The following DENND1A variants were observed in gnomAD, a reference collection of about 807,000 sequenced individuals.
DENND1A encodes the protein DENN domain-containing protein 1A.
A neutral mutation model predicts 113.7 loss-of-function variants in DENND1A; 51 were observed. The observed-to-expected ratio is 0.45, with a 90% CI of 0.36 to 0.57. The LOEUF is 0.57. Among genes scored for constraint, DENND1A ranks in the 20% least tolerant of loss-of-function variants. The pLI, the probability that DENND1A is intolerant of heterozygous loss-of-function variation, is 0.00. For missense variants in DENND1A, 1,258 were observed against 1,395.9 expected (o/e 0.90, Z 1.57); for synonymous variants, 565 against 570.8 (o/e 0.99, Z 0.14).
chr9:123,389,931 C>A (rs891612555), intron 21 of DENND1A, among the ~76,000 whole-genome samples: 1 of 152,216 alleles, frequency 6.6e-6, no homozygotes, highest in Admixed American at 6.5e-5. Flanking sequence ...TTGGCTCTAC[C>A]TACCTCTGTG....
At chr9:123,917,381 C>T (rs944363205) in intron 1 of DENND1A, among the ~76,000 whole-genome samples, 2 of 151,976 alleles carry the variant, frequency 1.3e-5, no homozygotes, top group African/African-American at 4.8e-5. Flanking sequence ...GCATTGTTGA[C>T]GGTAATGTTA....
At chr9:123,414,256 TTC>T (rs1480309222) in intron 19 of DENND1A, 1 of 1,290,362 alleles carries the variant, frequency 7.7e-7, no homozygotes, top group Non-Finnish European at 9.9e-7. Flanking sequence ...GTTAGGAAGA[TTC>T]AACGAGATGA....
intron 12 of DENND1A, among the ~76,000 whole-genome samples, chr9:123,569,907 A>C (rs752215603): frequency 1.3e-5 from 2 of 152,176 alleles, no homozygotes; most frequent in African/African-American, 4.8e-5. Context: ...CCCTGGCTTA[A>C]TCACCTTAGT....
intron 5 of DENND1A, among the ~76,000 whole-genome samples, chr9:123,755,044 C>G (rs916417008): frequency 5.9e-5 from 9 of 152,064 alleles, no homozygotes; most frequent in African/African-American, 2.2e-4. Flanking sequence ...TCAGTTTAAG[C>G]CTCACCACCT....
At chr9:123,744,680 C>A (rs1393989293) in intron 5 of DENND1A, among the ~76,000 whole-genome samples, 2 of 151,284 alleles carry the variant, frequency 1.3e-5, no homozygotes, top group Non-Finnish European at 2.9e-5. Flanking sequence ...TCACCTATGA[C>A]AATTGGTCTA....
At chr9:123,383,261 T>G (rs2042375954) in intron 23 of DENND1A, among the ~76,000 whole-genome samples, 1 of 152,238 alleles carries the variant, frequency 6.6e-6, no homozygotes, top group African/African-American at 2.4e-5. Context: ...CACACTGATT[T>G]GCATTCATAA....
chr9:123,418,649 G>A (rs947552860), intron 19 of DENND1A, among the ~76,000 whole-genome samples: 4 of 152,210 alleles, frequency 2.6e-5, no homozygotes, highest in Non-Finnish European at 4.4e-5. Context: ...GAGCCAGCCT[G>A]CCTGTGCTGT....
chr9:123,457,022 T>C (rs1034026092), intron 15 of DENND1A: 1 of 225,848 alleles, frequency 4.4e-6, no homozygotes. Flanking sequence ...TCTTGCAGCT[T>C]GTGAGGAGGC....
At chr9:123,622,417 A>T (rs1452160494) in intron 10 of DENND1A, among the ~76,000 whole-genome samples, 1 of 152,252 alleles carries the variant, frequency 6.6e-6, no homozygotes, top group Non-Finnish European at 1.5e-5. Flanking sequence ...ACCTTTTATT[A>T]GCAAAATTTA....
At chr9:123,756,726 G>A (rs1161386230) in intron 5 of DENND1A, among the ~76,000 whole-genome samples, 3 of 152,230 alleles carry the variant, frequency 2.0e-5, no homozygotes, top group East Asian at 3.8e-4. Flanking sequence ...TGGTGTGAGG[G>A]TGTGTGGGTT....
chr9:123,401,586 G>A, intron 21 of DENND1A: 1 of 1,401,212 alleles, frequency 7.1e-7, no homozygotes, highest in Non-Finnish European at 9.3e-7. Context: ...CCACCAAACT[G>A]GCTCCCATGC....
At chr9:123,858,603 C>CG (rs1263105077) in intron 2 of DENND1A, among the ~76,000 whole-genome samples, 1 of 151,794 alleles carries the variant, frequency 6.6e-6, no homozygotes, top group African/African-American at 2.4e-5. Context: ...AAAGGTTGGT[C>CG]GAGGGGAGGA....
intron 13 of DENND1A, among the ~76,000 whole-genome samples, chr9:123,511,293 C>T (rs924518215): frequency 1.3e-5 from 2 of 152,362 alleles, no homozygotes; most frequent in Admixed American, 6.5e-5. Flanking sequence ...GGGGAAGCTA[C>T]TTCACTGTCC....
intron 6 of DENND1A, 89 bp from the exon 7 acceptor site, chr9:123,671,460 G>A: frequency 7.9e-7 from 1 of 1,272,372 alleles, no homozygotes; most frequent in Non-Finnish European, 1.1e-6. Flanking sequence ...CATGACTGAG[G>A]GGGCTGGGGA....
intron 2 of DENND1A, among the ~76,000 whole-genome samples, chr9:123,806,150 T>G (rs540604976): frequency 6.6e-6 from 1 of 151,970 alleles, no homozygotes; most frequent in Admixed American, 6.5e-5. Context: ...GATGGGGTTT[T>G]GCCATGTTGG....
intron 1 of DENND1A, among the ~76,000 whole-genome samples, chr9:123,892,771 C>T (rs995475770): frequency 2.6e-5 from 4 of 152,288 alleles, no homozygotes; most frequent in African/African-American, 9.6e-5. Context: ...CACTTGAGGT[C>T]AGGAGTTGAA....
chr9:123,532,125 A>G (rs2055372219), intron 13 of DENND1A, among the ~76,000 whole-genome samples: 1 of 152,230 alleles, frequency 6.6e-6, no homozygotes, highest in Non-Finnish European at 1.5e-5. Context: ...ATCAAATGAA[A>G]TGAAATTCAC....
intron 9 of DENND1A, among the ~76,000 whole-genome samples, chr9:123,632,223 A>T (rs566802435): frequency 5.9e-5 from 9 of 151,944 alleles, no homozygotes; most frequent in Non-Finnish European, 1.3e-4. Flanking sequence ...TTTCCTCCAG[A>T]CCCTGTTCTT....
intron 10 of DENND1A, among the ~76,000 whole-genome samples, chr9:123,622,762 A>G (rs2061020278): frequency 6.6e-6 from 1 of 152,186 alleles, no homozygotes; most frequent in Non-Finnish European, 1.5e-5. Context: ...CTTGATTTTG[A>G]AGATTTGCAA....
Sources: allele counts gnomAD v4.1 joint callset (sites outside exome capture counted in the v4.1 genomes callset), GRCh38; gene constraint gnomAD v4.1.1; transcripts MANE v1.5; gene names NCBI Gene and HGNC (gene_info 2026-07-23, HGNC 2026-07-21).